MTA3: variants seen among roughly 807,000 people sequenced by gnomAD.
MTA3 encodes the protein metastasis associated 1 family member 3.
In MTA3, 34 loss-of-function variants were observed where a neutral mutation model predicts 83.5. The observed-to-expected ratio is 0.41, with a 90% CI of 0.31 to 0.54. The LOEUF (loss-of-function observed/expected upper bound fraction) is 0.54. Ranked by LOEUF, MTA3 falls within the 20% of genes least tolerant of loss-of-function variation. MTA3 has a pLI of 0.33. For synonymous variants in MTA3, 303 were observed against 252.7 expected, an observed-to-expected ratio of 1.20 and a Z score of -1.89; for missense variants, 761 against 726.4, an observed-to-expected ratio of 1.05 and a Z score of -0.55.
At chr2:42,590,607 T>C (rs1680854667) in intron 3 of MTA3, among the ~76,000 whole-genome samples, 1 of 144,454 alleles carries the variant, frequency 6.9e-6, no homozygotes. Context: ...CTTTTTTTCA[T>C]GTTTGCTTTT....
intron 8 of MTA3, chr2:42,679,967 T>C (rs1691722808): frequency 6.6e-6 from 1 of 152,192 alleles, no homozygotes; most frequent in South Asian, 2.1e-4. Context: ...ATTAAAAGAA[T>C]TCTGTAGCAT....
At chr2:42,712,945 T>C (rs1186506948) in intron 14 of MTA3, 2 of 152,234 alleles carry the variant, frequency 1.3e-5, no homozygotes, top group Admixed American at 6.5e-5. Context: ...TCCTCTGTTA[T>C]TGTCATCAGA....
intron 3 of MTA3, among the ~76,000 whole-genome samples, chr2:42,590,348 G>A (rs1480983826): frequency 6.6e-6 from 1 of 151,968 alleles, no homozygotes; most frequent in Non-Finnish European, 1.5e-5. Flanking sequence ...CTAGAGAGCT[G>A]GTTTTTAAAA....
chr2:42,598,380 TC>T (rs1205252097), intron 3 of MTA3, among the ~76,000 whole-genome samples: 2 of 152,216 alleles, frequency 1.3e-5, no homozygotes, highest in African/African-American at 4.8e-5. Context: ...TACTTCTATT[TC>T]TAAATAGTGC....
At chr2:42,652,115 G>A (rs192725745) in intron 6 of MTA3, among the ~76,000 whole-genome samples, 65 of 152,140 alleles carry the variant, frequency 4.3e-4, no homozygotes, top group African/African-American at 1.4e-3. Context: ...GGTGAAGGGA[G>A]TTAGTGACAC....
At chr2:42,672,343 TA>T (rs573876669) in intron 8 of MTA3, among the ~76,000 whole-genome samples, 506 of 140,050 alleles carry the variant, frequency 3.6e-3, no homozygotes, top group Admixed American at 4.2e-3. Flanking sequence ...TCCTCTCTAT[TA>T]AAAAAAAAAA....
At chr2:42,642,819 A>C (rs1317355537) in intron 5 of MTA3, among the ~76,000 whole-genome samples, 1 of 151,562 alleles carries the variant, frequency 6.6e-6, no homozygotes, top group Non-Finnish European at 1.5e-5. Flanking sequence ...TGATTTTTCT[A>C]TTTTTAGTAG....
Position 42,550,911 on chromosome 2 carries a change from G to A in MTA3, c.-140-19526G>A, listed in dbSNP as rs370256791. 1.8e-3 allele frequency among the ~76,000 whole-genome samples: 279 copies of A among 152,050 alleles called. 2 individuals carry two copies. The South Asian group carries it at 0.023, about 12-fold the overall frequency. ...ACAAAAATTAGCCGGGCATGGTGGT[G>A]CACACCTGTAGTCCCAGCTACCCCA... On this transcript the variant is annotated intron_variant, in intron 2 of 17. Coordinates refer to the MTA3 transcript ENST00000405592.
intron 2 of MTA3, among the ~76,000 whole-genome samples, chr2:42,539,436 C>T (rs1236052740): frequency 6.6e-6 from 1 of 151,950 alleles, no homozygotes; most frequent in Non-Finnish European, 1.5e-5. Flanking sequence ...CTTACTATCA[C>T]GAGAATAGCA....
At chr2:42,727,699 GT>G (rs1297614348) in intron 16 of MTA3, among the ~76,000 whole-genome samples, 2 of 148,794 alleles carry the variant, frequency 1.3e-5, no homozygotes, top group South Asian at 2.1e-4. Flanking sequence ...GAATCACATG[GT>G]TTTTTTTTTG....
At chr2:42,498,426 G>A (rs928849786) in intron 2 of MTA3, among the ~76,000 whole-genome samples, 10 of 152,198 alleles carry the variant, frequency 6.6e-5, no homozygotes, top group East Asian at 5.8e-4. Context: ...AAAGTCTCCG[G>A]TGTGGACTGA....
At chr2:42,594,840 C>A in intron 3 of MTA3, among the ~76,000 whole-genome samples, 1 of 144,510 alleles carries the variant, frequency 6.9e-6, no homozygotes, top group African/African-American at 2.5e-5. Flanking sequence ...CATTCTCCCG[C>A]CTCAGCCTCC....
chr2:42,543,034 T>C (rs1288233997), intron 2 of MTA3, among the ~76,000 whole-genome samples: 2 of 151,996 alleles, frequency 1.3e-5, no homozygotes, highest in Non-Finnish European at 2.9e-5. Context: ...AGAGTGTTGA[T>C]TGGTCCAAGA....
chr2:42,630,369 A>G (rs899987589), intron 4 of MTA3, among the ~76,000 whole-genome samples: 1 of 152,246 alleles, frequency 6.6e-6, no homozygotes, highest in African/African-American at 2.4e-5. Context: ...AAATCAAAAT[A>G]TACAAACATG....
intron 8 of MTA3, among the ~76,000 whole-genome samples, chr2:42,675,607 C>G (rs916864798): frequency 2.6e-5 from 4 of 152,144 alleles, no homozygotes; most frequent in African/African-American, 4.8e-5. Flanking sequence ...CTGCTCCTCT[C>G]CAGTTAGGAA....
In MTA3 at chr2:42,756,098, C is replaced by T. The variant is rs1014141428; in HGVS notation, c.*2699C>T. 2.2e-6 allele frequency: 2 copies of T among 897,412 alleles called. No homozygotes were observed. Among genetic ancestry groups the T allele is most frequent in the African/African-American group, 1.8e-5 (1 of 55,414 alleles). The allele number at this position is 897,412 out of a possible 1,614,324, so 55.6% of individuals were successfully genotyped here. A position where few individuals can be genotyped will look rare whatever the true frequency, so the allele number is the denominator to read the frequency against. On this transcript the variant is annotated 3_prime_UTR_variant, in exon 17 of 17. Transcript: ENST00000405094. ...AAACAAGAAAAGCTGAGAGGCAAAA[C>T]AGGGGAGTGAGGGGCAACCCAGAGG...
At chr2:42,643,092 G>A (rs985938367) in intron 5 of MTA3, among the ~76,000 whole-genome samples, 5 of 129,986 alleles carry the variant, frequency 3.8e-5, no homozygotes, top group Non-Finnish European at 7.9e-5. Flanking sequence ...TCCTGACAGT[G>A]AACAATGAAT....
chr2:42,713,570 T>C (rs1666797546), intron 14 of MTA3, among the ~76,000 whole-genome samples: 1 of 152,108 alleles, frequency 6.6e-6, no homozygotes, highest in Non-Finnish European at 1.5e-5. Flanking sequence ...ACGTTCCTCA[T>C]TCCTGATTTA....
upstream of MTA3, among the ~76,000 whole-genome samples, chr2:42,567,105 A>G (rs937335819): frequency 1.3e-5 from 2 of 152,220 alleles, no homozygotes; most frequent in African/African-American, 4.8e-5. Flanking sequence ...TTTGACACAC[A>G]GCAGAGAACC....
Sources: allele counts gnomAD v4.1 joint callset (sites outside exome capture counted in the v4.1 genomes callset), GRCh38; gene constraint gnomAD v4.1.1; transcripts MANE v1.5; gene names NCBI Gene and HGNC (gene_info 2026-07-23, HGNC 2026-07-21).